TCF20: variants seen among roughly 807,000 people sequenced by gnomAD.
TCF20 encodes SPRE-binding protein.
TCF20 carries 3 observed loss-of-function variants against 148.6 expected under a neutral mutation model. The ratio of observed to expected loss-of-function variants is 0.02; its 90% CI spans 0.01 to 0.05. The LOEUF (loss-of-function observed/expected upper bound fraction) is 0.05, where lower values mean the gene tolerates loss of function less well. Ranked by LOEUF, TCF20 falls within the 10% of genes least tolerant of loss-of-function variation. The pLI is 1.00. For missense variants in TCF20, 2,350 were observed against 2,429.3 expected, an observed-to-expected ratio of 0.97 and a Z score of 0.69; for synonymous variants, 1,049 against 909.5, an observed-to-expected ratio of 1.15 and a Z score of -2.76.
At chr22:42,273,049 GTGT>G (rs1926678936), upstream of TCF20, among the ~76,000 whole-genome samples, 1 of 152,066 alleles carries the variant, frequency 6.6e-6, no homozygotes, top group Non-Finnish European at 1.5e-5. Context: ...CACTCATAAG[GTGT>G]TGTGGGACTC....
At chr22:42,310,603 TG>T (rs2147041350) in intron 1 of TCF20, among the ~76,000 whole-genome samples, 1 of 151,308 alleles carries the variant, frequency 6.6e-6, no homozygotes, top group South Asian at 2.1e-4. Context: ...GTATGGCTCG[TG>T]GAAGTGGCAG....
chr22:42,172,529 T>G (rs2147067839), intron 3 of TCF20, among the ~76,000 whole-genome samples: 1 of 152,338 alleles, frequency 6.6e-6, no homozygotes, highest in Admixed American at 6.5e-5. Flanking sequence ...CAAGGTGGCC[T>G]AGTCAACAAG....
intron 2 of TCF20, among the ~76,000 whole-genome samples, chr22:42,190,479 C>CAA (rs777681501): frequency 6.6e-6 from 1 of 150,620 alleles, no homozygotes; most frequent in Non-Finnish European, 1.5e-5. Context: ...CACACACACA[C>CAA]CCTGCACATA....
chr22:42,172,921 C>A (rs975686740), intron 3 of TCF20, among the ~76,000 whole-genome samples: 1 of 152,172 alleles, frequency 6.6e-6, no homozygotes, highest in African/African-American at 2.4e-5. Context: ...AAATATGGGG[C>A]TCTTGGCACT....
At chr22:42,228,373 G>GC (rs1421543546) in intron 1 of TCF20, among the ~76,000 whole-genome samples, 1 of 152,188 alleles carries the variant, frequency 6.6e-6, no homozygotes, top group Non-Finnish European at 1.5e-5. Context: ...TTAAACACAA[G>GC]CCATGTGCCA....
At chr22:42,329,317 G>A (rs1336644512) in intron 1 of TCF20, among the ~76,000 whole-genome samples, 1 of 152,236 alleles carries the variant, frequency 6.6e-6, no homozygotes, top group Non-Finnish European at 1.5e-5. Context: ...CTGTGGGGGT[G>A]AGCACCTGGC....
rs1569089116 is a variant in TCF20 at position 42,161,125 on chromosome 22, C to G, written c.*278G>C. 2.7e-6 allele frequency: 1 copy of G among 364,934 alleles called. No individual in the cohort carries two copies. The allele number at this position is 364,934 out of a possible 1,614,324, so 22.6% of individuals were successfully genotyped here. A position where few individuals can be genotyped will look rare whatever the true frequency, so the allele number is the denominator to read the frequency against. On this transcript the variant is annotated 3_prime_UTR_variant, in exon 6 of 6. Transcript: ENST00000677622. Reference sequence around the variant, plus strand: ...CCCCATCATCCCACCCCTCCCCCCTCCCCCCACATTGTCACTATGGAGATT... The same window carrying G: ...CCCCATCATCCCACCCCTCCCCCCTGCCCCCACATTGTCACTATGGAGATT...
chr22:42,226,507 C>A (rs1180199775), intron 1 of TCF20, among the ~76,000 whole-genome samples: 11 of 152,088 alleles, frequency 7.2e-5, no homozygotes, highest in Admixed American at 7.2e-4. Flanking sequence ...AAGTTCAAGA[C>A]CAGCCTGGCC....
At chr22:42,256,573 T>C (rs74664356) in intron 1 of TCF20, among the ~76,000 whole-genome samples, 6 of 152,004 alleles carry the variant, frequency 3.9e-5, no homozygotes, top group African/African-American at 1.5e-4. Context: ...AGAACTTAAA[T>C]CCACTTCCAC....
At chr22:42,266,905 T>C (rs753304957) in intron 1 of TCF20, among the ~76,000 whole-genome samples, 1 of 152,202 alleles carries the variant, frequency 6.6e-6, no homozygotes, top group Non-Finnish European at 1.5e-5. Flanking sequence ...AGAATGAAAA[T>C]TTTATAACAA....
chr22:42,231,371 C>T (rs1165727990), intron 1 of TCF20, among the ~76,000 whole-genome samples: 2 of 152,084 alleles, frequency 1.3e-5, no homozygotes, highest in African/African-American at 4.8e-5. Context: ...GTAGTCCTAG[C>T]TACTCAGGAG....
intron 1 of TCF20, among the ~76,000 whole-genome samples, chr22:42,238,279 TCTTA>T (rs1199460530): frequency 1.3e-5 from 2 of 152,228 alleles, no homozygotes; most frequent in African/African-American, 4.8e-5. Flanking sequence ...TTCTGCAGCT[TCTTA>T]CTTTTTTCAG....
intron 1 of TCF20, among the ~76,000 whole-genome samples, chr22:42,233,309 A>C (rs1259220021): frequency 1.3e-5 from 2 of 152,226 alleles, no homozygotes; most frequent in Non-Finnish European, 2.9e-5. Context: ...AAGGCTCAGA[A>C]AGTTTAGTAA....
At chr22:42,269,498 G>C (rs1241540305) in intron 1 of TCF20, among the ~76,000 whole-genome samples, 1 of 152,130 alleles carries the variant, frequency 6.6e-6, no homozygotes, top group African/African-American at 2.4e-5. Flanking sequence ...CTCCCATTCC[G>C]GCGTCCAGAG....
rs772787226 is a variant in TCF20, at chr22:42,211,991, A to G, written c.3315T>C (p.Ala1105=). The change falls in exon 2 of 6, where the codon GCT becomes GCC. Residue 1105 remains alanine, a synonymous_variant. Coordinates refer to ENST00000677622, the MANE Select transcript of TCF20 (RefSeq NM_001378418.1). The part of the protein sequence containing the change: ...EEYKDWSSGS[A]QGVIAAAQHR... ...GCTGTGCTGCAGCAATTACTCCCTG[A>G]GCAGAACCGCTGCTCCAGTCTTTAT... The G allele has an allele frequency of 3.7e-5, 59 of 1,614,092 alleles. No homozygotes were observed. The highest frequency in any genetic ancestry group is 5.0e-5 in the Non-Finnish European group (59 of 1,180,018).
intron 1 of TCF20, among the ~76,000 whole-genome samples, chr22:42,304,523 A>G (rs1042139288): frequency 1.3e-5 from 2 of 152,294 alleles, no homozygotes; most frequent in Admixed American, 1.3e-4. Context: ...AGCCTGTTGC[A>G]TGCTGCGTCC....
At chr22:42,220,723 G>A (rs1034712660) in intron 1 of TCF20, among the ~76,000 whole-genome samples, 1 of 152,150 alleles carries the variant, frequency 6.6e-6, no homozygotes, top group Non-Finnish European at 1.5e-5. Flanking sequence ...AGTTTGGCTG[G>A]TAAGAGGCAG....
At chr22:42,191,011 T>C (rs967539451) in intron 2 of TCF20, among the ~76,000 whole-genome samples, 9 of 152,120 alleles carry the variant, frequency 5.9e-5, no homozygotes, top group Admixed American at 2.6e-4. Flanking sequence ...ATTAATAAAT[T>C]TATGGAGGCA....
At chr22:42,193,284 T>TA (rs1937430647) in intron 2 of TCF20, among the ~76,000 whole-genome samples, 1 of 150,268 alleles carries the variant, frequency 6.7e-6, no homozygotes, top group African/African-American at 2.4e-5. Context: ...CTCCTCCACC[T>TA]ACACTTTTTT....
Sources: gnomAD v4.1 joint callset for allele counts (sites outside exome capture counted in the v4.1 genomes callset) on GRCh38, gnomAD v4.1.1 for gene constraint, MANE v1.5 for transcripts, NCBI Gene and HGNC (gene_info 2026-07-23, HGNC 2026-07-21) for gene names.